MLIP: variants seen among roughly 807,000 people sequenced by gnomAD.
MLIP encodes the protein muscular LMNA interacting protein.
Under a neutral mutation model 84.8 loss-of-function variants are expected in MLIP, and 79 were observed. The observed-to-expected ratio is 0.93, with a 90% CI of 0.78 to 1.12. The LOEUF (loss-of-function observed/expected upper bound fraction) is 1.12, where lower values mean the gene tolerates loss of function less well. Among genes scored for constraint, MLIP ranks in the 50% most tolerant of loss-of-function variants. The probability of loss-of-function intolerance (pLI) is 0.00; values close to 1 mark genes in which losing one functional copy is unlikely to be tolerated. For missense variants in MLIP, 1,257 were observed against 1,160.6 expected, an observed-to-expected ratio of 1.08 and a Z score of -1.21; for synonymous variants, 504 against 463.0, an observed-to-expected ratio of 1.09 and a Z score of -1.14.
intron 8 of MLIP, among the ~76,000 whole-genome samples, chr6:54,164,171 T>C (rs1318323061): frequency 6.6e-6 from 1 of 151,924 alleles, no homozygotes; most frequent in Non-Finnish European, 1.5e-5. Flanking sequence ...TCTATGACCT[T>C]TCACATGAAG....
At chr6:54,147,748 T>C (rs944045699) in intron 4 of MLIP, among the ~76,000 whole-genome samples, 1 of 152,268 alleles carries the variant, frequency 6.6e-6, no homozygotes, top group South Asian at 2.1e-4. Flanking sequence ...TATATATTCA[T>C]GTGTATGAAT....
intron 5 of MLIP, among the ~76,000 whole-genome samples, chr6:54,151,024 T>C (rs919969571): frequency 6.6e-6 from 1 of 152,188 alleles, no homozygotes; most frequent in Non-Finnish European, 1.5e-5. Flanking sequence ...ATAAACATGA[T>C]ATCTAAATTT....
At chr6:54,035,621 C>G (rs1261181033) in intron 1 of MLIP, among the ~76,000 whole-genome samples, 4 of 151,914 alleles carry the variant, frequency 2.6e-5, no homozygotes, top group African/African-American at 9.7e-5. Context: ...TATGTCCTCA[C>G]CAGCATTTGG....
chr6:54,186,082 TACAA>T (rs1207546502), intron 9 of MLIP, among the ~76,000 whole-genome samples: 62 of 152,296 alleles, frequency 4.1e-4, no homozygotes, highest in African/African-American at 1.3e-3. Flanking sequence ...AGACACTGTG[TACAA>T]AGGACTTCAT....
At chr6:54,095,101 G>A (rs904594426) in intron 1 of MLIP, among the ~76,000 whole-genome samples, 4 of 152,146 alleles carry the variant, frequency 2.6e-5, no homozygotes, top group Non-Finnish European at 5.9e-5. Flanking sequence ...AGTAGCTATC[G>A]TCATAGCAGA....
intron 2 of MLIP, 67 bp downstream of exon 2, chr6:54,121,669 A>T: frequency 8.1e-7 from 1 of 1,232,702 alleles, no homozygotes; most frequent in South Asian, 1.5e-5. Context: ...GATGACTTGG[A>T]AATTTGTGTA....
rs1448162734 is a variant in MLIP at position 54,152,823 on chromosome 6, GTAAA to G, written c.2289+3699_2289+3702del. ...TGTTTGACACATATTAATATTCCAA[GTAAA>G]TAGATTATTATTTTTATCATGTAGT... On this transcript the variant is annotated intron_variant, in intron 5 of 13. Coordinates refer to ENST00000502396, the MANE Select transcript of MLIP (RefSeq NM_001281747.2). 2.6e-5 allele frequency among the ~76,000 whole-genome samples: 4 copies of G among 151,880 alleles called. No individual in the cohort carries two copies. In the East Asian group the frequency reaches 7.7e-4, roughly 29 times the overall value.
chr6:54,018,979 C>A (rs1323017796), exon 1 of MLIP: 2 of 1,486,972 alleles, frequency 1.3e-6, no homozygotes, highest in Non-Finnish European at 1.9e-6. Context: ...TAGACAGAAT[C>A]TGAACCTCTG....
At chr6:54,179,155 C>T (rs1400890137) in intron 9 of MLIP, among the ~76,000 whole-genome samples, 4 of 152,154 alleles carry the variant, frequency 2.6e-5, no homozygotes, top group African/African-American at 9.6e-5. Flanking sequence ...TAATGACATT[C>T]TTTGTCTCTT....
At chr6:54,182,216 A>G (rs899096714) in intron 9 of MLIP, among the ~76,000 whole-genome samples, 3 of 152,136 alleles carry the variant, frequency 2.0e-5, no homozygotes, top group Admixed American at 6.5e-5. Context: ...TCCCCTCTGT[A>G]TAGGCCTACT....
At chr6:54,212,627 T>A (rs1779541702) in intron 11 of MLIP, among the ~76,000 whole-genome samples, 1 of 151,974 alleles carries the variant, frequency 6.6e-6, no homozygotes, top group Non-Finnish European at 1.5e-5. Context: ...GGGTTGAGAA[T>A]TTTTTTTCCC....
At chr6:54,262,926 G>A (rs1290901520) in intron 13 of MLIP, among the ~76,000 whole-genome samples, 1 of 152,064 alleles carries the variant, frequency 6.6e-6, no homozygotes, top group Non-Finnish European at 1.5e-5. Flanking sequence ...TGGTTCTGAA[G>A]TAGCCAATAA....
In MLIP at chr6:54,266,132, C is replaced by G; in HGVS notation, c.*177C>G. 1 of 628,780 alleles carries G rather than the reference C, an allele frequency of 1.6e-6. No homozygotes were observed. Among genetic ancestry groups the G allele is most frequent in the Non-Finnish European group, 2.8e-6 (1 of 351,530 alleles). The allele number at this position is 628,780 out of a possible 1,614,324, so 39.0% of individuals were successfully genotyped here. ...AATTATATAGCATCACAGTGCTCTG[C>G]TAACAGCCAGCATAGAAGAGATTTA... is the stretch of plus-strand genomic sequence containing the variant. On this transcript the variant is annotated 3_prime_UTR_variant, in exon 14 of 14. Coordinates refer to ENST00000502396, the MANE Select transcript of MLIP (RefSeq NM_001281747.2).
At chr6:54,048,166 C>T (rs115923470) in intron 1 of MLIP, among the ~76,000 whole-genome samples, 46 of 152,246 alleles carry the variant, frequency 3.0e-4, no homozygotes, top group African/African-American at 9.9e-4. Context: ...ATGGTGATGT[C>T]TGTCAGTAGG....
At chr6:54,104,978 A>T (rs1322051869) in intron 1 of MLIP, among the ~76,000 whole-genome samples, 2 of 152,156 alleles carry the variant, frequency 1.3e-5, no homozygotes, top group Non-Finnish European at 2.9e-5. Flanking sequence ...GACCACAAAA[A>T]CCCTTGCTCA....
intron 10 of MLIP, among the ~76,000 whole-genome samples, chr6:54,199,214 C>G (rs139542471): frequency 7.2e-5 from 11 of 152,234 alleles, no homozygotes; most frequent in Admixed American, 2.6e-4. Flanking sequence ...TTTCAAACTT[C>G]TATCTATTCT....
chr6:54,020,950 C>T (rs1763465203), intron 1 of MLIP, among the ~76,000 whole-genome samples: 1 of 152,160 alleles, frequency 6.6e-6, no homozygotes, highest in Admixed American at 6.5e-5. Flanking sequence ...AGTTAAGGAA[C>T]CTGGCACCTT....
At chr6:54,234,745 C>T (rs901861520) in intron 12 of MLIP, among the ~76,000 whole-genome samples, 1 of 152,172 alleles carries the variant, frequency 6.6e-6, no homozygotes, top group African/African-American at 2.4e-5. Flanking sequence ...TGATCATTTC[C>T]TCTTGCATTT....
chr6:54,216,250 T>C, intron 11 of MLIP: 1 of 985,398 alleles, frequency 1.0e-6, no homozygotes. Flanking sequence ...ACTGAATATA[T>C]TGTCTTCTTT....
Sources: gnomAD v4.1 joint callset for allele counts (sites outside exome capture counted in the v4.1 genomes callset) on GRCh38, gnomAD v4.1.1 for gene constraint, MANE v1.5 for transcripts, NCBI Gene and HGNC (gene_info 2026-07-23, HGNC 2026-07-21) for gene names.